Variants in PTPN22 observed in about 807,000 individuals in gnomAD.
PTPN22 encodes protein tyrosine phosphatase non-receptor type 22.
Under a neutral mutation model 103.3 loss-of-function variants are expected in PTPN22, and 85 were observed. The ratio of observed to expected loss-of-function variants is 0.82; its 90% CI spans 0.69 to 0.99. The LOEUF is 0.99. Among genes scored for constraint, PTPN22 ranks in the 50% least tolerant of loss-of-function variants. The pLI is 0.00. For missense variants in PTPN22, 865 were observed against 936.9 expected (o/e 0.92, Z 1.00); for synonymous variants, 323 against 310.2 (o/e 1.04, Z -0.43).
Position 113,858,480 on chromosome 1 carries a change from GGA to G in PTPN22, c.365_366del (p.Val122AlafsTer11). 6.4e-7 allele frequency: 1 copy of G among 1,573,636 alleles called. No individual in the cohort carries two copies. The highest frequency in any genetic ancestry group is 8.7e-7 in the Non-Finnish European group (1 of 1,147,646). On this transcript the variant is annotated frameshift_variant, in exon 4 of 21. Coordinates refer to ENST00000359785, the Ensembl canonical transcript of PTPN22. LOFTEE classifies it high-confidence loss of function. ...AACAAAAGCAACACCATACTTACAA[GGA>G]CACTATATTCCCAAATCATCCTCCA...
At chr1:113,851,191 T>A (rs1360469874) in intron 10 of PTPN22, among the ~76,000 whole-genome samples, 1 of 151,838 alleles carries the variant, frequency 6.6e-6, no homozygotes. Flanking sequence ...CTCACTCTGT[T>A]ACCCAGGCTG....
intron 1 of PTPN22, among the ~76,000 whole-genome samples, chr1:113,860,929 T>C (rs1665527104): frequency 6.6e-6 from 1 of 152,188 alleles, no homozygotes; most frequent in Non-Finnish European, 1.5e-5. Flanking sequence ...TTCAATTAAT[T>C]TGGCAAAATG....
intron 17 of PTPN22, 110 bp from the exon 18 acceptor site, chr1:113,829,817 ATATT>A: frequency 8.4e-7 from 1 of 1,192,150 alleles, no homozygotes; most frequent in South Asian, 1.4e-5. Context: ...TTTTGACTAT[ATATT>A]AGGGGCTTTT....
chr1:113,857,713 C>T (rs780968825), intron 5 of PTPN22, 25 bp downstream of exon 5: 1 of 1,601,270 alleles, frequency 6.2e-7, no homozygotes, highest in South Asian at 1.1e-5. Context: ...GTTTTAAGGT[C>T]AGCAGGTACT....
At chr1:113,827,289 T>C (rs1351265167) in intron 18 of PTPN22, among the ~76,000 whole-genome samples, 1 of 152,182 alleles carries the variant, frequency 6.6e-6, no homozygotes, top group Non-Finnish European at 1.5e-5. Flanking sequence ...CAGGAAATCC[T>C]AGTAAAAATG....
chr1:113,837,849 G>A, exon 13 of PTPN22: 1 of 1,614,056 alleles, frequency 6.2e-7, no homozygotes, highest in South Asian at 1.1e-5. Flanking sequence ...TAGAGTCATG[G>A]TGCTTTACAT....
chr1:113,849,004 C>G lies in PTPN22; in HGVS notation c.829-378G>C, dbSNP rs995740836. Among the ~76,000 whole-genome samples, 5 of 151,954 alleles carry G rather than the reference C, an allele frequency of 3.3e-5. No individual in the cohort carries two copies. The South Asian group carries it at 1.0e-3, about 32-fold the overall frequency. On this transcript the variant is annotated intron_variant, in intron 10 of 20. Coordinates refer to ENST00000359785, the Ensembl canonical transcript of PTPN22. ...TCATTCTAGATGGATTTTTTGTAAG[C>G]AACCTTCATCTTTTCTGGAAAAAGA...
chr1:113,833,602 T>G (rs942600409), intron 15 of PTPN22, among the ~76,000 whole-genome samples: 2 of 152,242 alleles, frequency 1.3e-5, no homozygotes, highest in Non-Finnish European at 2.9e-5. Context: ...GTAGGTACTT[T>G]AAAATGTTTA....
At chr1:113,864,867 G>A (rs1316560468) in intron 1 of PTPN22, among the ~76,000 whole-genome samples, 2 of 150,854 alleles carry the variant, frequency 1.3e-5, no homozygotes, top group Admixed American at 6.6e-5. Flanking sequence ...AGCAGAGATC[G>A]TGCCACTGCA....
intron 1 of PTPN22, among the ~76,000 whole-genome samples, chr1:113,871,125 A>G (rs1298862905): frequency 2.0e-5 from 3 of 152,232 alleles, no homozygotes; most frequent in Non-Finnish European, 4.4e-5. Flanking sequence ...AGAATCCCAG[A>G]GGGGAGGCTA....
intron 19 of PTPN22, among the ~76,000 whole-genome samples, chr1:113,821,801 T>C (rs1661639867): frequency 6.6e-6 from 1 of 152,224 alleles, no homozygotes; most frequent in African/African-American, 2.4e-5. Flanking sequence ...TCAGTTGGTA[T>C]ATTGGCATGG....
At chr1:113,837,508 A>T in intron 13 of PTPN22, 82 bp downstream of exon 13, 1 of 936,170 alleles carries the variant, frequency 1.1e-6, no homozygotes, top group South Asian at 1.8e-5. Flanking sequence ...AGAGGAGAAG[A>T]GGGAAGAGGA....
chr1:113,870,238 C>A (rs938323748), intron 1 of PTPN22, among the ~76,000 whole-genome samples: 4 of 152,056 alleles, frequency 2.6e-5, no homozygotes, highest in Non-Finnish European at 5.9e-5. Context: ...TTATTATCCC[C>A]ATTTTATAAG....
chr1:113,825,245 G>A, intron 18 of PTPN22, 73 bp from the exon 19 acceptor site: 1 of 936,644 alleles, frequency 1.1e-6, no homozygotes. Context: ...TAGAAATATA[G>A]ACTTAAGTGA....
chr1:113,841,239 A>G (rs186653109), intron 11 of PTPN22, among the ~76,000 whole-genome samples: 8 of 152,220 alleles, frequency 5.3e-5, no homozygotes, highest in Non-Finnish European at 7.4e-5. Flanking sequence ...GAAAAAAAAA[A>G]AGAGAGAGAA....
At chr1:113,854,238 A>C (rs1406233705) in intron 9 of PTPN22, among the ~76,000 whole-genome samples, 13 of 152,166 alleles carry the variant, frequency 8.5e-5, no homozygotes, top group Admixed American at 8.5e-4. Context: ...TTAGCCCAAT[A>C]TATATTGCAT....
At position 113,852,112 on chromosome 1, in the gene PTPN22, A is replaced by G. The variant is rs368905259; in HGVS notation, c.751-8T>C. 6.3e-7 allele frequency: 1 copy of G among 1,586,688 alleles called. No individual in the cohort carries two copies. The highest frequency in any genetic ancestry group is 1.3e-5 in the African/African-American group (1 of 74,354). On this transcript the variant is annotated splice_polypyrimidine_tract_variant and splice_region_variant and intron_variant, in intron 9 of 20. Transcript: ENST00000359785. ...GAAGTTCTCAGGAATTATCTATCAA[A>G]TTAAAGGGGAAAATATTCCTTTCAA...
At chr1:113,861,310 G>A (rs972569694) in intron 1 of PTPN22, among the ~76,000 whole-genome samples, 1 of 151,930 alleles carries the variant, frequency 6.6e-6, no homozygotes, top group Non-Finnish European at 1.5e-5. Context: ...GCATGATCTC[G>A]GTTCACTGCA....
At chr1:113,856,797 G>A (rs1034167378) in intron 5 of PTPN22, 178 bp from the exon 6 acceptor site, 8 of 715,656 alleles carry the variant, frequency 1.1e-5, no homozygotes, top group Admixed American at 3.1e-5. Context: ...AAACATTAAA[G>A]GATATATAAA....
Sources: gnomAD v4.1 joint callset for allele counts (sites outside exome capture counted in the v4.1 genomes callset) on GRCh38, gnomAD v4.1.1 for gene constraint, MANE v1.5 for transcripts, NCBI Gene and HGNC (gene_info 2026-07-23, HGNC 2026-07-21) for gene names.